TMEM114: variants seen among roughly 807,000 people sequenced by gnomAD.
TMEM114 encodes the protein claudin-26.
In TMEM114, 6 loss-of-function variants were observed where a neutral mutation model predicts 6.2. The observed-to-expected ratio is 0.97, with a 90% CI of 0.53 to 1.91. The LOEUF is 1.91. Ranked by LOEUF, TMEM114 falls within the 40% of genes most tolerant of loss-of-function variation. The pLI, the probability that TMEM114 is intolerant of heterozygous loss-of-function variation, is 0.01. For missense variants in TMEM114, 218 were observed against 158.3 expected, an observed-to-expected ratio of 1.38 and a Z score of -2.02; for synonymous variants, 104 against 73.0, an observed-to-expected ratio of 1.42 and a Z score of -2.16.
rs75052886 is a variant in TMEM114 at position 8,542,142 on chromosome 16, TGG to T, written n.213-4318_213-4317del. 2.0e-5 allele frequency among the ~76,000 whole-genome samples: 3 copies of T among 150,128 alleles called. No individual in the cohort carries two copies. In the East Asian group the frequency reaches 5.9e-4, roughly 29 times the overall value. ...TGGTTGAGATGTTGAGGATGATTCGTGGGGGGGGGTCCCTTGACCAAGGAGGA... is the reference window on the plus strand; with the variant it reads ...TGGTTGAGATGTTGAGGATGATTCGTGGGGGGGTCCCTTGACCAAGGAGGA... On this transcript the variant is annotated intron_variant and non_coding_transcript_variant, in intron 2 of 2. Transcript: ENST00000623677.
At chr16:8,575,834 T>C (rs1427649694) in intron 2 of TMEM114, among the ~76,000 whole-genome samples, 37 of 152,220 alleles carry the variant, frequency 2.4e-4, no homozygotes, top group Admixed American at 2.4e-3. Flanking sequence ...TGAAATAATA[T>C]GCATGAAATC....
At chr16:8,555,217 T>C (rs1900970484) in intron 2 of TMEM114, among the ~76,000 whole-genome samples, 1 of 152,222 alleles carries the variant, frequency 6.6e-6, no homozygotes, top group Non-Finnish European at 1.5e-5. Flanking sequence ...GCACTACTGA[T>C]GCAGGGTAAG....
At chr16:8,579,867 G>T (rs959885208) in intron 2 of TMEM114, among the ~76,000 whole-genome samples, 1 of 152,162 alleles carries the variant, frequency 6.6e-6, no homozygotes, top group East Asian at 1.9e-4. Flanking sequence ...CAAAGGGGTC[G>T]TGGGACTGCA....
chr16:8,563,457 G>A (rs970281338), intron 2 of TMEM114, among the ~76,000 whole-genome samples: 2 of 151,076 alleles, frequency 1.3e-5, no homozygotes, highest in Non-Finnish European at 2.9e-5. Context: ...GAATGAGTGA[G>A]TGAATGAGTA....
At chr16:8,529,520 T>G in the TMEM114 span, among the ~76,000 whole-genome samples, 4 of 152,150 alleles carry the variant, frequency 2.6e-5, no homozygotes, top group Non-Finnish European at 5.9e-5. Flanking sequence ...ATCAGCAGCA[T>G]CAGTGTCATC....
intron 2 of TMEM114, among the ~76,000 whole-genome samples, chr16:8,563,699 T>TAGTGAATGACTGAGTG (rs1901383090): frequency 7.3e-6 from 1 of 136,822 alleles, no homozygotes; most frequent in Non-Finnish European, 1.6e-5. Flanking sequence ...ATGAGTGAGT[T>TAGTGAATGACTGAGTG]AGTGAATGAG....
At chr16:8,551,375 T>A (rs1261051916) in intron 2 of TMEM114, among the ~76,000 whole-genome samples, 1 of 152,224 alleles carries the variant, frequency 6.6e-6, no homozygotes, top group African/African-American at 2.4e-5. Context: ...GGACCCTGAC[T>A]GAGCAAGTGG....
At chr16:8,566,695 C>A (rs1340977900), downstream of TMEM114, among the ~76,000 whole-genome samples, 1 of 152,152 alleles carries the variant, frequency 6.6e-6, no homozygotes, top group Non-Finnish European at 1.5e-5. Flanking sequence ...CATCAACCCT[C>A]CCTCTTCATT....
intron 2 of TMEM114, among the ~76,000 whole-genome samples, chr16:8,573,446 G>A (rs1177327343): frequency 1.3e-5 from 2 of 152,124 alleles, no homozygotes; most frequent in African/African-American, 2.4e-5. Context: ...CGAATGACAA[G>A]AAAGTCAAGA....
At chr16:8,575,688 A>T (rs535579539) in intron 2 of TMEM114, among the ~76,000 whole-genome samples, 2 of 152,332 alleles carry the variant, frequency 1.3e-5, no homozygotes, top group South Asian at 2.1e-4. Context: ...GAATACTAAG[A>T]GTATGCACTT....
intron 2 of TMEM114, among the ~76,000 whole-genome samples, chr16:8,552,311 G>A (rs1425309439): frequency 6.6e-6 from 1 of 152,026 alleles, no homozygotes; most frequent in Non-Finnish European, 1.5e-5. Context: ...TTGAACCCAG[G>A]AGGTTGAGGC....
chr16:8,580,936 C>T (rs893501581), intron 2 of TMEM114, among the ~76,000 whole-genome samples: 1 of 152,214 alleles, frequency 6.6e-6, no homozygotes, highest in African/African-American at 2.4e-5. Flanking sequence ...AAGTGATCCA[C>T]CTGCCTCGGC....
At chr16:8,558,499 C>G (rs1901089595) in intron 2 of TMEM114, among the ~76,000 whole-genome samples, 1 of 152,174 alleles carries the variant, frequency 6.6e-6, no homozygotes, top group African/African-American at 2.4e-5. Flanking sequence ...CCACCCTAAC[C>G]CAATGTAACT....
chr16:8,583,902 C>G (rs955817820), intron 2 of TMEM114, among the ~76,000 whole-genome samples: 5 of 152,210 alleles, frequency 3.3e-5, no homozygotes, highest in Admixed American at 6.5e-5. Flanking sequence ...CCACCCTTAT[C>G]TGTGGAGCTG....
chr16:8,548,771 T>G (rs965163189), intron 2 of TMEM114, among the ~76,000 whole-genome samples: 2 of 151,366 alleles, frequency 1.3e-5, no homozygotes, highest in African/African-American at 4.9e-5. Context: ...GAAATGACCA[T>G]GTGAAATATT....
chr16:8,538,036 C>A (rs528693936), intron 2 of TMEM114, among the ~76,000 whole-genome samples: 16 of 147,948 alleles, frequency 1.1e-4, no homozygotes, highest in African/African-American at 4.0e-4. Flanking sequence ...CCGTGACTTA[C>A]ACCTGTAATC....
downstream of TMEM114, among the ~76,000 whole-genome samples, chr16:8,567,288 C>T (rs1030325475): frequency 6.6e-6 from 1 of 152,110 alleles, no homozygotes; most frequent in Non-Finnish European, 1.5e-5. Context: ...ATGGGTTTAT[C>T]ATCTGTTCCC....
intron 2 of TMEM114, among the ~76,000 whole-genome samples, chr16:8,538,325 G>T (rs1264703753): frequency 2.6e-5 from 4 of 151,794 alleles, no homozygotes; most frequent in African/African-American, 9.7e-5. Flanking sequence ...ATTTGCTCTG[G>T]AGGGGAAGCC....
intron 2 of TMEM114, among the ~76,000 whole-genome samples, chr16:8,564,065 G>T (rs1008582291): frequency 2.0e-5 from 3 of 148,050 alleles, no homozygotes; most frequent in Non-Finnish European, 4.4e-5. Context: ...GAGTAAATGA[G>T]TGAGTGAGTG....
Sources: gnomAD v4.1 joint callset for allele counts (sites outside exome capture counted in the v4.1 genomes callset) on GRCh38, gnomAD v4.1.1 for gene constraint, MANE v1.5 for transcripts, NCBI Gene and HGNC (gene_info 2026-07-23, HGNC 2026-07-21) for gene names.